MRPL45: variants seen among roughly 807,000 people sequenced by gnomAD.
MRPL45 encodes the protein large ribosomal subunit protein mL45.
In MRPL45, 20 loss-of-function variants were observed where a neutral mutation model predicts 38.1. The ratio of observed to expected loss-of-function variants is 0.53; its 90% CI spans 0.37 to 0.76. MRPL45 has a LOEUF of 0.76. MRPL45 is among the 30% of genes least tolerant of loss of function. The pLI is 0.00. For missense variants in MRPL45, 337 were observed against 395.6 expected, an observed-to-expected ratio of 0.85 and a Z score of 1.26; for synonymous variants, 105 against 128.8, an observed-to-expected ratio of 0.82 and a Z score of 1.25.
intron 5 of MRPL45, among the ~76,000 whole-genome samples, chr17:38,318,997 TTTTATTTATTTATTTATTTA>T (rs575783313): frequency 1.8e-3 from 235 of 127,460 alleles, no homozygotes; most frequent in African/African-American, 6.9e-3. Context: ...CCAGCTAATT[TTTTATTTATTTATTTATTTA>T]TTTATTTATT....
intron 1 of MRPL45, among the ~76,000 whole-genome samples, chr17:38,297,490 G>C (rs534534766): frequency 4.5e-4 from 68 of 152,240 alleles, no homozygotes; most frequent in Non-Finnish European, 2.9e-5. Flanking sequence ...ATTGGTTTGG[G>C]TCTGTCTGGC....
intron 4 of MRPL45, among the ~76,000 whole-genome samples, chr17:38,309,609 A>C (rs2037090382): frequency 1.8e-5 from 1 of 55,486 alleles, no homozygotes; most frequent in Admixed American, 3.0e-4. Flanking sequence ...CTGTCTTCTT[A>C]AATTTTTATT....
At position 38,322,145 on chromosome 17, in the gene MRPL45, G is replaced by T; in HGVS notation, c.680G>T (p.Arg227Leu). 4.3e-6 allele frequency: 7 copies of T among 1,614,080 alleles called. No individual in the cohort carries two copies. The highest frequency in any genetic ancestry group is 5.9e-6 in the Non-Finnish European group (7 of 1,179,998). Residue 227 changes from arginine to leucine, a missense_variant, in exon 7 of 8, where the codon CGG (arginine) becomes CTG (leucine). This residue lies in a region of MRPL45 where 251 missense variants were observed against 269.1 expected (regional missense o/e 0.93). Transcript: ENST00000613675. Reference sequence around the variant, plus strand: ...TTGCAGACTCTGGCCATCTATGACCGGTTTGGCCGGTTGATGTATGGACAG... The same window carrying T: ...TTGCAGACTCTGGCCATCTATGACCTGTTTGGCCGGTTGATGTATGGACAG... ...HTRQTLAIYD[R>L]FGRLMYGQED... is the part of the protein sequence containing the mutation.
intron 1 of MRPL45, among the ~76,000 whole-genome samples, chr17:38,297,906 TG>T (rs2036953024): frequency 6.6e-6 from 1 of 152,156 alleles, no homozygotes; most frequent in Non-Finnish European, 1.5e-5. Flanking sequence ...GAAATGAGCC[TG>T]GGCAACATAT....
intron 3 of MRPL45, among the ~76,000 whole-genome samples, chr17:38,302,116 CAAAAA>C (rs67699213): frequency 4.0e-5 from 3 of 75,582 alleles, no homozygotes; most frequent in East Asian, 4.1e-4. Flanking sequence ...GACTCCGTCT[CAAAAA>C]AAAAAAAAAA....
At chr17:38,305,063 T>C (rs1186398367) in intron 3 of MRPL45, among the ~76,000 whole-genome samples, 1 of 151,158 alleles carries the variant, frequency 6.6e-6, no homozygotes. Flanking sequence ...GCCAGGATGA[T>C]CTCGAGCTCC....
chr17:38,309,389 G>A (rs1312526706), intron 4 of MRPL45, among the ~76,000 whole-genome samples: 4 of 151,584 alleles, frequency 2.6e-5, no homozygotes, highest in African/African-American at 9.7e-5. Context: ...GTGTGGTGGT[G>A]CATGTGTGTA....
chr17:38,304,469 CTGTCTCAGTGAATGAA>C (rs777957411), intron 3 of MRPL45, among the ~76,000 whole-genome samples: 81 of 152,330 alleles, frequency 5.3e-4, no homozygotes, highest in Non-Finnish European at 1.0e-3. Flanking sequence ...GAGTGAGACC[CTGTCTCAGTGAATGAA>C]TGAATGAATG....
At chr17:38,319,863 G>A (rs1597656725) in intron 5 of MRPL45, among the ~76,000 whole-genome samples, 1 of 152,180 alleles carries the variant, frequency 6.6e-6, no homozygotes, top group South Asian at 2.1e-4. Context: ...AGCGCTTTGG[G>A]AGGCCGAGGC....
At chr17:38,313,297 TAAA>T (rs879236168) in intron 4 of MRPL45, among the ~76,000 whole-genome samples, 523 of 18,512 alleles carry the variant, frequency 0.028, 16 homozygotes, top group South Asian at 0.042. Flanking sequence ...TCCTTTCTAT[TAAA>T]AAAAAAAAAA....
At position 38,311,187 on chromosome 17, in the gene MRPL45, C is replaced by G. The variant is rs1379054441; in HGVS notation, c.461+4556C>G. Among the ~76,000 whole-genome samples, 4 of 152,084 alleles carry G rather than the reference C, an allele frequency of 2.6e-5. No homozygotes were observed. The East Asian group carries it at 7.7e-4, about 29-fold the overall frequency. The stretch of plus-strand genomic sequence containing the variant: ...GCAGTAATTCCCCATTGCCCTCTTC[C>G]CTTATCACCTGGTAACCTCCATTCT... On this transcript the variant is annotated intron_variant, in intron 4 of 7. Coordinates refer to ENST00000613675, the MANE Select transcript of MRPL45 (RefSeq NM_032351.6).
chr17:38,297,489 G>A (rs1489192508), intron 1 of MRPL45, among the ~76,000 whole-genome samples: 2 of 152,088 alleles, frequency 1.3e-5, no homozygotes, highest in Non-Finnish European at 2.9e-5. Context: ...GATTGGTTTG[G>A]GTCTGTCTGG....
At chr17:38,313,348 G>A (rs1479000805) in intron 4 of MRPL45, among the ~76,000 whole-genome samples, 230 of 18,018 alleles carry the variant, frequency 0.013, 12 homozygotes, top group African/African-American at 0.053. Flanking sequence ...ATATATATAC[G>A]TATATATATA....
At chr17:38,318,435 A>T (rs1419528339) in intron 4 of MRPL45, among the ~76,000 whole-genome samples, 1 of 151,134 alleles carries the variant, frequency 6.6e-6, no homozygotes, top group Admixed American at 6.6e-5. Flanking sequence ...TTTAAACATA[A>T]TTTTTTTTAA....
At chr17:38,318,373 C>G (rs2037195544) in intron 4 of MRPL45, among the ~76,000 whole-genome samples, 1 of 151,682 alleles carries the variant, frequency 6.6e-6, no homozygotes. Flanking sequence ...GTGAGGGTAC[C>G]CATCTTAAGG....
At position 38,299,540 on chromosome 17, in the gene MRPL45, C is replaced by A. The variant is rs1167760673; in HGVS notation, c.362+72C>A. The stretch of plus-strand genomic sequence containing the variant: ...TTGTTGCTACTTTATCCCAAAGAGA[C>A]CTTTTTGGGTTAATTGGGTTGGGTG... On this transcript the variant is annotated intron_variant, in intron 3 of 7. Coordinates refer to ENST00000613675, the MANE Select transcript of MRPL45 (RefSeq NM_032351.6). 6 of 1,302,214 alleles carry A rather than the reference C, an allele frequency of 4.6e-6. No individual in the cohort carries two copies. In the African/African-American group the frequency reaches 4.7e-5, roughly 10 times the overall value. The allele number at this position is 1,302,214 out of a possible 1,614,324, so 80.7% of individuals were successfully genotyped here.
chr17:38,301,952 C>G (rs1404378803), intron 3 of MRPL45, among the ~76,000 whole-genome samples: 1 of 151,598 alleles, frequency 6.6e-6, no homozygotes, highest in Admixed American at 6.6e-5. Context: ...CCCGTCTCTA[C>G]TAAAAATACA....
intron 4 of MRPL45, among the ~76,000 whole-genome samples, chr17:38,312,496 T>C (rs891454816): frequency 1.3e-5 from 2 of 152,192 alleles, no homozygotes; most frequent in African/African-American, 4.8e-5. Flanking sequence ...TACAAGTATC[T>C]GTTTGAGCTC....
intron 4 of MRPL45, among the ~76,000 whole-genome samples, chr17:38,308,095 G>A (rs1426430772): frequency 6.6e-6 from 1 of 151,938 alleles, no homozygotes; most frequent in Non-Finnish European, 1.5e-5. Flanking sequence ...TTGTAGGGAT[G>A]GGATTTCACC....
Sources: allele counts gnomAD v4.1 joint callset (sites outside exome capture counted in the v4.1 genomes callset), GRCh38; gene constraint gnomAD v4.1.1; regional missense constraint gnomAD v4.1.1; transcripts MANE v1.5; gene names NCBI Gene and HGNC (gene_info 2026-07-23, HGNC 2026-07-21).